FYCO1: variants seen among roughly 807,000 people sequenced by gnomAD.
The protein encoded by FYCO1 is FYVE and coiled-coil domain-containing protein 1.
A neutral mutation model predicts 165.1 loss-of-function variants in FYCO1; 122 were observed. The ratio of observed to expected loss-of-function variants is 0.74; its 90% confidence interval spans 0.64 to 0.86. FYCO1 has a LOEUF of 0.86. FYCO1 is among the 40% of genes least tolerant of loss of function. The pLI, the probability that FYCO1 is intolerant of heterozygous loss-of-function variation, is 0.00. For synonymous variants in FYCO1, 648 were observed against 742.5 expected, an observed-to-expected ratio of 0.87 and a Z score of 2.07; for missense variants, 1,702 against 1,810.3, an observed-to-expected ratio of 0.94 and a Z score of 1.09.
At chr3:45,951,278 T>C (rs932013578) in intron 14 of FYCO1, among the ~76,000 whole-genome samples, 2 of 152,142 alleles carry the variant, frequency 1.3e-5, no homozygotes, top group African/African-American at 2.4e-5. Flanking sequence ...TCTCATGCAA[T>C]CTTCCTAACA....
intron 5 of FYCO1, 26 bp downstream of exon 5, chr3:45,975,213 A>C: frequency 6.6e-7 from 1 of 1,505,412 alleles, no homozygotes; most frequent in Non-Finnish European, 9.3e-7. Flanking sequence ...GGATGATCCC[A>C]AACCCCAGCC....
chr3:45,986,246 C>T (rs985479801), intron 1 of FYCO1, among the ~76,000 whole-genome samples: 1 of 152,216 alleles, frequency 6.6e-6, no homozygotes, highest in Admixed American at 6.5e-5. Flanking sequence ...ATTGTCACTA[C>T]AGCAAATGAC....
In FYCO1 at chr3:45,993,309, C is replaced by T. The variant is rs1330841930; in HGVS notation, c.-113+2413G>A. Among the ~76,000 whole-genome samples, 1 of 152,238 alleles carries T rather than the reference C, an allele frequency of 6.6e-6. No homozygotes were observed. The highest frequency in any genetic ancestry group is 1.5e-5 in the Non-Finnish European group (1 of 68,044). ...AAAACTGCTCTTGCCTAACTGAGCACAGCTTCTGCCATCATCCTCTTCTCA... is the reference window on the plus strand; with the variant it reads ...AAAACTGCTCTTGCCTAACTGAGCATAGCTTCTGCCATCATCCTCTTCTCA... On this transcript the variant is annotated intron_variant, in intron 1 of 17. Transcript: ENST00000296137. This position sits in a 1 kb window ranked among gnomAD's most constrained non-coding sequence, Gnocchi z 4.4.
At position 45,955,097 on chromosome 3, in the gene FYCO1, C is replaced by T. The variant is rs9833683; in HGVS notation, c.3944+152G>A. 5.1e-3 allele frequency: 4,668 copies of T among 917,538 alleles called. 124 individuals carry two copies. The African/African-American group carries it at 0.058, about 11-fold the overall frequency. 56.8% of individuals were successfully genotyped at this position (917,538 alleles called of 1,614,324 possible). A position where few individuals can be genotyped will look rare whatever the true frequency, so the allele number is the denominator to read the frequency against. ...TCAACACTGACAACTTCCCGAGCGC[C>T]GATGCTCTTCAAGGCCATCGCAAGC... is the stretch of plus-strand genomic sequence containing the variant. On this transcript the variant is annotated intron_variant, in intron 14 of 17. Coordinates refer to ENST00000296137, the MANE Select transcript of FYCO1 (RefSeq NM_024513.4).
intron 1 of FYCO1, among the ~76,000 whole-genome samples, chr3:45,991,435 T>C (rs1311060158): frequency 1.3e-5 from 2 of 152,162 alleles, no homozygotes; most frequent in East Asian, 1.9e-4. Flanking sequence ...TCGATAGGGA[T>C]AGGCCCATCT....
chr3:45,947,716 G>C (rs1559450185), intron 14 of FYCO1: 1 of 563,102 alleles, frequency 1.8e-6, no homozygotes, highest in African/African-American at 1.9e-5. Flanking sequence ...CAAGTAGGGG[G>C]TCTAAAATTT....
intron 14 of FYCO1, chr3:45,938,351 G>T: frequency 1.6e-6 from 1 of 613,518 alleles, no homozygotes; most frequent in Non-Finnish European, 2.7e-6. Flanking sequence ...TTTTCAAACT[G>T]TAGGTCATGA....
chr3:45,959,283 A>C lies in FYCO1; in HGVS notation c.3587+110T>G, dbSNP rs1317709271. On this transcript the variant is annotated intron_variant, in intron 12 of 17. Coordinates refer to ENST00000296137, the MANE Select transcript of FYCO1 (RefSeq NM_024513.4). ...CCAAAACGCAATGTGCTCTTCCTAA[A>C]TAGTCAGCCATGGTGCCAACACCTA... The C allele has an allele frequency of 7.4e-6, 9 of 1,211,398 alleles. No individual in the cohort carries two copies. In the East Asian group the frequency reaches 2.1e-4, roughly 28 times the overall value. The allele number at this position is 1,211,398 out of a possible 1,614,324, so 75.0% of individuals were successfully genotyped here.
chr3:45,960,678 A>T (rs1434720910), intron 11 of FYCO1, among the ~76,000 whole-genome samples: 1 of 152,230 alleles, frequency 6.6e-6, no homozygotes, highest in African/African-American at 2.4e-5. Context: ...ACACTTAATG[A>T]ATTAGCATAT....
rs1271491487 is a variant in FYCO1, at chr3:45,918,701, C to G, written c.*3064G>C. On this transcript the variant is annotated 3_prime_UTR_variant, in exon 18 of 18. Transcript: ENST00000296137. ...TTCATTTGGGCCTGAAATAGTTTCA[C>G]CACCTTCGATGATAATTTTAAAATT... The G allele has an allele frequency of 1.3e-5, 2 of 152,194 alleles. No homozygotes were observed. Among genetic ancestry groups the G allele is most frequent in the Non-Finnish European group, 2.9e-5 (2 of 68,040 alleles). 9.4% of individuals were successfully genotyped at this position (152,194 alleles called of 1,614,324 possible). A position where few individuals can be genotyped will look rare whatever the true frequency, so the allele number is the denominator to read the frequency against.
intron 8 of FYCO1, among the ~76,000 whole-genome samples, chr3:45,966,009 C>A (rs1705988986): frequency 6.6e-6 from 1 of 152,252 alleles, no homozygotes; most frequent in South Asian, 2.1e-4. Flanking sequence ...TTACAAACTT[C>A]TGTGTGGGCT....
At chr3:45,970,229 C>G (rs186991729) in intron 6 of FYCO1, among the ~76,000 whole-genome samples, 2 of 152,302 alleles carry the variant, frequency 1.3e-5, no homozygotes, top group East Asian at 3.9e-4. Context: ...CAGAACATTT[C>G]CCTCATGCAG....
intron 1 of FYCO1, among the ~76,000 whole-genome samples, chr3:45,995,314 A>G (rs537515081): frequency 6.6e-6 from 1 of 152,246 alleles, no homozygotes; most frequent in African/African-American, 2.4e-5. Flanking sequence ...TCCCGGCCCA[A>G]CTGGGCCAGA....
In FYCO1 at chr3:45,968,377, C is replaced by A. The variant is rs1706224692; in HGVS notation, c.957G>T (p.Leu319=). ...CTGCTGCTCCTAGCTCCAGGCCCTGCAGGCATGTCTGCAGCTCCTTCACAG... is the reference window on the plus strand; with the variant it reads ...CTGCTGCTCCTAGCTCCAGGCCCTGAAGGCATGTCTGCAGCTCCTTCACAG... ...QNTVKELQTC[L]QGLELGAAEK... is the part of the protein sequence containing the mutation. The change falls in exon 8 of 18, where the codon CTG becomes CTT. Residue 319 remains leucine, a synonymous_variant. Transcript: ENST00000296137. 2 of 1,613,626 alleles carry A rather than the reference C, an allele frequency of 1.2e-6. No homozygotes were observed. The highest frequency in any genetic ancestry group is 1.7e-6 in the Non-Finnish European group (2 of 1,179,926).
At position 45,940,193 on chromosome 3, in the gene FYCO1, C is replaced by T. The variant is rs183974162; in HGVS notation, c.3945-3650G>A. 9.2e-5 allele frequency among the ~76,000 whole-genome samples: 14 copies of T among 152,246 alleles called. No homozygotes were observed. The East Asian group carries it at 2.7e-3, about 29-fold the overall frequency. On this transcript the variant is annotated intron_variant, in intron 14 of 17. Coordinates refer to ENST00000296137, the MANE Select transcript of FYCO1 (RefSeq NM_024513.4). ...CAGACATGAGCAGGGCAGGAGAGGG[C>T]CCCCCTCCCCCAGGAATGTCAGGTG...
chr3:45,978,311 T>C (rs1180750134), intron 4 of FYCO1, among the ~76,000 whole-genome samples: 1 of 152,152 alleles, frequency 6.6e-6, no homozygotes. Flanking sequence ...ACATTTATGA[T>C]GCACTAAAAT....
rs773743760 is a variant in FYCO1 at position 45,967,412 on chromosome 3, G to T, written c.1922C>A (p.Ala641Asp). 6.2e-7 allele frequency: 1 copy of T among 1,613,066 alleles called. No homozygotes were observed. Among genetic ancestry groups the T allele is most frequent in the South Asian group, 1.1e-5 (1 of 91,078 alleles). ...RNQLLEGKLQ[A>D]LQADYQALQQ... The stretch of plus-strand genomic sequence containing the variant: ...CAAAGCCTGGTAATCGGCCTGCAGG[G>T]CTTGCAGCTTGCCCTCCAGGAGCTG... Residue 641 changes from alanine (A) to aspartate (D), a missense_variant, in exon 8 of 18, where the codon GCC (alanine) becomes GAC (aspartate). By Grantham distance (126) the Ala-to-Asp change is moderately radical. Transcript: ENST00000296137.
At chr3:45,965,242 T>C in intron 8 of FYCO1, 117 bp from the exon 9 acceptor site, 1 of 753,972 alleles carries the variant, frequency 1.3e-6, no homozygotes, top group South Asian at 1.5e-5. Flanking sequence ...CCCTGCAAAC[T>C]GGCTCCTCAA....
At position 45,921,587 on chromosome 3, in the gene FYCO1, G is replaced by C; in HGVS notation, c.*178C>G. ...AGCCCTTCAACGCCTCGGGGGCTAA[G>C]AGTGGCCGGTGCAGAGTGCTGAGCA... On this transcript the variant is annotated 3_prime_UTR_variant, in exon 18 of 18. Coordinates refer to ENST00000296137, the MANE Select transcript of FYCO1 (RefSeq NM_024513.4). 1 of 639,474 alleles carries C rather than the reference G, an allele frequency of 1.6e-6. No individual in the cohort carries two copies. The highest frequency in any genetic ancestry group is 2.9e-6 in the Non-Finnish European group (1 of 349,306). 39.6% of individuals were successfully genotyped at this position (639,474 alleles called of 1,614,324 possible).
Sources: gnomAD v4.1 joint callset for allele counts (sites outside exome capture counted in the v4.1 genomes callset) on GRCh38, gnomAD v4.1.1 for gene constraint, Gnocchi (gnomAD v3.1) non-coding constraint, MANE v1.5 for transcripts, NCBI Gene and HGNC (gene_info 2026-07-23, HGNC 2026-07-21) for gene names.